TENM2: variants seen among roughly 807,000 people sequenced by gnomAD.
TENM2 encodes teneurin transmembrane protein 2, also known as teneurin-2.
Under a neutral mutation model 245.2 loss-of-function variants are expected in TENM2, and 52 were observed. The ratio of observed to expected loss-of-function variants is 0.21; its 90% CI spans 0.17 to 0.27. The LOEUF is 0.27. Among genes scored for constraint, TENM2 ranks in the 10% least tolerant of loss-of-function variants. TENM2 has a pLI of 1.00. For synonymous variants in TENM2, 1,363 were observed against 1,438.9 expected, an observed-to-expected ratio of 0.95 and a Z score of 1.19; for missense variants, 3,046 against 3,666.8, an observed-to-expected ratio of 0.83 and a Z score of 4.37.
chr5:167,637,256 A>T (rs941601941), intron 2 of TENM2, among the ~76,000 whole-genome samples: 21 of 152,222 alleles, frequency 1.4e-4, no homozygotes, highest in Non-Finnish European at 2.4e-4. Context: ...AGAATTATTT[A>T]CATATTAACT....
chr5:168,153,667 T>C (rs1387138067), intron 12 of TENM2, among the ~76,000 whole-genome samples: 1 of 152,224 alleles, frequency 6.6e-6, no homozygotes, highest in Non-Finnish European at 1.5e-5. Flanking sequence ...GGTTTGGGAC[T>C]TAATCCGAAA....
At chr5:167,845,221 G>A (rs1175669905) in intron 2 of TENM2, among the ~76,000 whole-genome samples, 1 of 107,512 alleles carries the variant, frequency 9.3e-6, no homozygotes, top group African/African-American at 3.6e-5. Flanking sequence ...CCCTTCCCCC[G>A]AGTCCCCCCC....
In TENM2 at chr5:168,125,637, G is replaced by A. The variant is rs112498988; in HGVS notation, c.2209+587G>A. Among the ~76,000 whole-genome samples the A allele has an allele frequency of 7.8e-3, 1,179 of 152,014 alleles. 21 individuals carry two copies. Among genetic ancestry groups the A allele is most frequent in the African/African-American group, 0.027 (1,112 of 41,456 alleles). ...CCCTATCCAAGCAAGCGATCATTCC[G>A]CCCCCTTCCTCTGGGTAGTGAGACA... On this transcript the variant is annotated intron_variant, in intron 11 of 28. Coordinates refer to ENST00000518659, the Ensembl canonical transcript of TENM2.
chr5:168,050,982 C>G (rs1789034397), intron 6 of TENM2, among the ~76,000 whole-genome samples: 1 of 152,160 alleles, frequency 6.6e-6, no homozygotes, highest in Non-Finnish European at 1.5e-5. Flanking sequence ...ACTCATACAT[C>G]TTCATTACAA....
intron 2 of TENM2, among the ~76,000 whole-genome samples, chr5:167,650,107 G>T (rs1444610780): frequency 6.6e-6 from 1 of 152,032 alleles, no homozygotes; most frequent in Non-Finnish European, 1.5e-5. Context: ...AGTTCCCAAG[G>T]CCAGAGAAAT....
chr5:167,225,984 T>C, the TENM2 span, among the ~76,000 whole-genome samples: 1 of 152,008 alleles, frequency 6.6e-6, no homozygotes, highest in African/African-American at 2.4e-5. Context: ...AATGATCTTT[T>C]GTATTTTTGT....
intron 1 of TENM2, among the ~76,000 whole-genome samples, chr5:167,312,814 G>C (rs1756118076): frequency 6.6e-6 from 1 of 151,842 alleles, no homozygotes; most frequent in Admixed American, 6.6e-5. Flanking sequence ...AGTGTTCTCG[G>C]AGGGTTCAGC....
At chr5:167,683,913 G>A (rs1056510982) in intron 2 of TENM2, among the ~76,000 whole-genome samples, 4 of 152,276 alleles carry the variant, frequency 2.6e-5, no homozygotes, top group East Asian at 3.9e-4. Flanking sequence ...TTGCATAAAA[G>A]GAATGCATCT....
chr5:168,022,425 C>G (rs1033867590), intron 5 of TENM2, among the ~76,000 whole-genome samples: 9 of 152,252 alleles, frequency 5.9e-5, no homozygotes, highest in Admixed American at 5.9e-4. Flanking sequence ...CTAACTGTCT[C>G]CCAAATCCTA....
the TENM2 span, among the ~76,000 whole-genome samples, chr5:167,176,272 GT>G: frequency 2.0e-5 from 3 of 152,126 alleles, no homozygotes; most frequent in African/African-American, 7.2e-5. Flanking sequence ...TTTTGTTGTT[GT>G]TGTTGTTCTT....
At chr5:168,002,395 A>G (rs1032501821) in intron 5 of TENM2, among the ~76,000 whole-genome samples, 2 of 152,246 alleles carry the variant, frequency 1.3e-5, no homozygotes, top group Admixed American at 6.5e-5. Context: ...CACCATGAGC[A>G]TTTTAAAGTC....
intron 4 of TENM2, among the ~76,000 whole-genome samples, chr5:167,959,820 TTCC>T (rs1780861547): frequency 6.6e-6 from 1 of 152,236 alleles, no homozygotes; most frequent in Non-Finnish European, 1.5e-5. Context: ...GCGCTATTTT[TTCC>T]TCATCTGTGT....
At chr5:167,511,071 T>G (rs1414672000) in intron 2 of TENM2, among the ~76,000 whole-genome samples, 2 of 152,202 alleles carry the variant, frequency 1.3e-5, no homozygotes, top group Admixed American at 6.5e-5. Flanking sequence ...ATGCCATTTA[T>G]CCCACATGTA....
chr5:167,888,711 A>G (rs997319110), intron 3 of TENM2, among the ~76,000 whole-genome samples: 10 of 152,232 alleles, frequency 6.6e-5, no homozygotes, highest in Admixed American at 3.3e-4. Context: ...ATTCTAGCTC[A>G]GGCCTTTCCT....
intron 1 of TENM2, among the ~76,000 whole-genome samples, chr5:167,373,410 A>G (rs1381434837): frequency 6.6e-6 from 1 of 152,232 alleles, no homozygotes; most frequent in Non-Finnish European, 1.5e-5. Context: ...AATGTAATAG[A>G]TATACGTAGA....
intron 5 of TENM2, among the ~76,000 whole-genome samples, chr5:168,036,400 G>A (rs1408018220): frequency 6.6e-6 from 1 of 152,032 alleles, no homozygotes; most frequent in African/African-American, 2.4e-5. Flanking sequence ...ACTTTGGGAG[G>A]CCGAGGCAGG....
At chr5:167,247,445 G>C in the TENM2 span, among the ~76,000 whole-genome samples, 71 of 152,204 alleles carry the variant, frequency 4.7e-4, no homozygotes, top group Non-Finnish European at 8.7e-4. Context: ...AAAGTTTAAG[G>C]CTGTCAAATG....
At chr5:167,270,637 T>C in the TENM2 span, among the ~76,000 whole-genome samples, 1 of 152,080 alleles carries the variant, frequency 6.6e-6, no homozygotes, top group Non-Finnish European at 1.5e-5. Context: ...CACATCAGGA[T>C]TGTGATGTGG....
chr5:167,250,379 A>G, the TENM2 span, among the ~76,000 whole-genome samples: 1 of 152,210 alleles, frequency 6.6e-6, no homozygotes, highest in Non-Finnish European at 1.5e-5. Flanking sequence ...AAAATAGCTC[A>G]TTAAAAAATA....
Sources: allele counts gnomAD v4.1 joint callset (sites outside exome capture counted in the v4.1 genomes callset), GRCh38; gene constraint gnomAD v4.1.1; transcripts MANE v1.5; gene names NCBI Gene and HGNC (gene_info 2026-07-23, HGNC 2026-07-21).